The following ZNF804B variants were observed in gnomAD, a reference collection of about 807,000 sequenced individuals.
ZNF804B encodes zinc finger protein 804B.
Under a neutral mutation model 101.4 loss-of-function variants are expected in ZNF804B, and 80 were observed. The observed-to-expected ratio is 0.79, with a 90% confidence interval of 0.66 to 0.95. The LOEUF (loss-of-function observed/expected upper bound fraction) is 0.95. Among genes scored for constraint, ZNF804B ranks in the 40% least tolerant of loss-of-function variants. The pLI is 0.00. For missense variants in ZNF804B, 1,673 were observed against 1,561.9 expected, an observed-to-expected ratio of 1.07 and a Z score of -1.20; for synonymous variants, 622 against 558.8, an observed-to-expected ratio of 1.11 and a Z score of -1.59.
chr7:89,185,623 G>A (rs150927052), intron 1 of ZNF804B, among the ~76,000 whole-genome samples: 1 of 152,258 alleles, frequency 6.6e-6, no homozygotes, highest in Admixed American at 6.5e-5. Context: ...CACTTTGAAA[G>A]GACGAGGCAG....
At chr7:89,171,403 CTT>C (rs56010421) in intron 1 of ZNF804B, among the ~76,000 whole-genome samples, 3 of 138,810 alleles carry the variant, frequency 2.2e-5, no homozygotes, top group African/African-American at 8.0e-5. Flanking sequence ...TCCTCTTCTT[CTT>C]CTTCTTCTTC....
At chr7:88,951,465 C>T (rs1469935845) in intron 1 of ZNF804B, among the ~76,000 whole-genome samples, 20 of 151,846 alleles carry the variant, frequency 1.3e-4, no homozygotes, top group Non-Finnish European at 2.4e-4. Context: ...CATGCGCGTG[C>T]GCACGCGCAC....
intron 1 of ZNF804B, among the ~76,000 whole-genome samples, chr7:88,884,783 T>C (rs10260161): frequency 0.41 from 62,818 of 151,554 alleles, 15,037 homozygotes; most frequent in African/African-American, 0.66. Flanking sequence ...ATGAGAAAAA[T>C]TTTTATAATG....
At chr7:89,096,127 C>G (rs1440452437) in intron 1 of ZNF804B, among the ~76,000 whole-genome samples, 1 of 147,336 alleles carries the variant, frequency 6.8e-6, no homozygotes, top group Admixed American at 6.8e-5. Flanking sequence ...TGCACTCCAG[C>G]CTGGGTGACA....
intron 2 of ZNF804B, among the ~76,000 whole-genome samples, chr7:89,282,089 T>G (rs1055030494): frequency 6.6e-6 from 1 of 150,994 alleles, no homozygotes; most frequent in Admixed American, 6.6e-5. Flanking sequence ...TAGTCCCAGC[T>G]ACTTGGGAGG....
At chr7:89,135,537 T>A (rs1790618300) in intron 1 of ZNF804B, among the ~76,000 whole-genome samples, 1 of 152,080 alleles carries the variant, frequency 6.6e-6, no homozygotes, top group African/African-American at 2.4e-5. Flanking sequence ...CTATTTCCTA[T>A]CACTTTACAA....
At chr7:89,240,647 T>C (rs534460986) in intron 2 of ZNF804B, among the ~76,000 whole-genome samples, 1 of 152,178 alleles carries the variant, frequency 6.6e-6, no homozygotes, top group East Asian at 1.9e-4. Flanking sequence ...ATTTAGTGCA[T>C]CTCAATTGAT....
chr7:88,940,379 T>G (rs940593576), intron 1 of ZNF804B, among the ~76,000 whole-genome samples: 7 of 151,960 alleles, frequency 4.6e-5, no homozygotes, highest in Non-Finnish European at 1.0e-4. Flanking sequence ...GAATAAAAAT[T>G]AGATAAGTAT....
At chr7:89,326,916 A>G (rs1790904460) in intron 2 of ZNF804B, among the ~76,000 whole-genome samples, 1 of 152,058 alleles carries the variant, frequency 6.6e-6, no homozygotes, top group Admixed American at 6.6e-5. Context: ...TCTTTCCTGA[A>G]ACAAGCTTAT....
chr7:89,048,220 A>ACT (rs1177152256), intron 1 of ZNF804B, among the ~76,000 whole-genome samples: 1 of 151,712 alleles, frequency 6.6e-6, no homozygotes, highest in African/African-American at 2.4e-5. Flanking sequence ...ACACACACAC[A>ACT]CACACAATGG....
chr7:89,062,393 T>C (rs1232251981), intron 1 of ZNF804B, among the ~76,000 whole-genome samples: 1 of 152,102 alleles, frequency 6.6e-6, no homozygotes, highest in East Asian at 1.9e-4. Context: ...CCCTAAGCAA[T>C]ATTGACCTGA....
chr7:88,933,452 G>A (rs776425865), intron 1 of ZNF804B, among the ~76,000 whole-genome samples: 8 of 151,824 alleles, frequency 5.3e-5, no homozygotes, highest in Non-Finnish European at 8.8e-5. Flanking sequence ...AATCAAACAA[G>A]AGAAAGAAAC....
chr7:88,896,311 G>A (rs955360807), intron 1 of ZNF804B, among the ~76,000 whole-genome samples: 6 of 152,124 alleles, frequency 3.9e-5, no homozygotes, highest in African/African-American at 7.2e-5. Context: ...TGGAAAAATG[G>A]GTGAGAAGTA....
At chr7:88,799,951 A>T (rs554490533) in intron 1 of ZNF804B, among the ~76,000 whole-genome samples, 3 of 152,186 alleles carry the variant, frequency 2.0e-5, no homozygotes, top group Admixed American at 2.0e-4. Context: ...TCTCACATAC[A>T]TTCCTTTAAA....
intron 1 of ZNF804B, among the ~76,000 whole-genome samples, chr7:88,971,400 A>G (rs1793536493): frequency 1.3e-5 from 2 of 151,672 alleles, no homozygotes; most frequent in Admixed American, 1.3e-4. Flanking sequence ...ATGTATAAAT[A>G]TATATTATCA....
chr7:89,320,740 A>G (rs1790805717), intron 2 of ZNF804B, among the ~76,000 whole-genome samples: 1 of 152,164 alleles, frequency 6.6e-6, no homozygotes, highest in Non-Finnish European at 1.5e-5. Flanking sequence ...ACTTATAAAA[A>G]ATAAAGAGAA....
At position 89,334,136 on chromosome 7, in the gene ZNF804B, A is replaced by G. The variant is rs558436720; in HGVS notation, c.1154A>G (p.Asp385Gly). 1.9e-5 allele frequency: 31 copies of G among 1,613,698 alleles called. No homozygotes were observed. In the South Asian group the frequency reaches 2.5e-4, roughly 13 times the overall value. ...HSDARISECL[D>G]EFSSLEPSEQ... ...GATGCCAGGATATCTGAATGCCTGG[A>G]TGAGTTTTCATCACTGGAGCCAAGT... Residue 385 changes from aspartate to glycine, a missense_variant, in exon 4 of 4, where the codon GAT (aspartate) becomes GGT (glycine). Coordinates refer to ENST00000333190, the MANE Select transcript of ZNF804B (RefSeq NM_181646.5).
chr7:89,044,131 G>A (rs1199226410), intron 1 of ZNF804B, among the ~76,000 whole-genome samples: 3 of 152,148 alleles, frequency 2.0e-5, no homozygotes, highest in Admixed American at 2.0e-4. Flanking sequence ...GAACCATAGA[G>A]ATGGTTACCC....
Position 89,249,096 on chromosome 7 carries a change from T to A in ZNF804B, c.249+30801T>A, listed in dbSNP as rs568461847. ...AAGTGTTTGACACAACAAGAAGACT[T>A]AACTATCCTAAATATATACTCACCT... On this transcript the variant is annotated intron_variant, in intron 2 of 3. Transcript: ENST00000333190. Among the ~76,000 whole-genome samples the A allele has an allele frequency of 2.7e-5, 4 of 149,232 alleles. No individual in the cohort carries two copies. In the South Asian group the frequency reaches 6.3e-4, roughly 24 times the overall value.
Sources: gnomAD v4.1 joint callset for allele counts (sites outside exome capture counted in the v4.1 genomes callset) on GRCh38, gnomAD v4.1.1 for gene constraint, MANE v1.5 for transcripts, NCBI Gene and HGNC (gene_info 2026-07-23, HGNC 2026-07-21) for gene names.